APLP2: variants seen among roughly 807,000 people sequenced by gnomAD.
APLP2 encodes CDEI box-binding protein.
In APLP2, 53 loss-of-function variants were observed where a neutral mutation model predicts 89.9. That is an observed-to-expected ratio of 0.59 (90% CI 0.47 to 0.74). The LOEUF is 0.74. Among genes scored for constraint, APLP2 ranks in the 30% least tolerant of loss-of-function variants. The probability of loss-of-function intolerance (pLI) is 0.00; values close to 1 mark genes in which losing one functional copy is unlikely to be tolerated. For missense variants in APLP2, 973 were observed against 975.9 expected (o/e 1.00, Z 0.04); for synonymous variants, 372 against 348.6 (o/e 1.07, Z -0.75).
At chr11:130,136,208 G>A (rs1951577820) in intron 13 of APLP2, among the ~76,000 whole-genome samples, 1 of 152,152 alleles carries the variant, frequency 6.6e-6, no homozygotes, top group South Asian at 2.1e-4. Context: ...CAGTGTCTAA[G>A]AGGATCTCTA....
chr11:130,142,695 CCT>C (rs777112835), intron 16 of APLP2, among the ~76,000 whole-genome samples: 7 of 152,116 alleles, frequency 4.6e-5, no homozygotes, highest in Non-Finnish European at 7.3e-5. Context: ...CGCACTGCAA[CCT>C]CTGTCTCCCG....
rs551152741 is a variant in APLP2 at position 130,122,392 on chromosome 11, G to A, written c.801G>A (p.Val267=). 6.2e-7 allele frequency: 1 copy of A among 1,614,168 alleles called. No homozygotes were observed. The highest frequency in any genetic ancestry group is 1.3e-5 in the African/African-American group (1 of 75,030). Reference sequence around the variant, plus strand: ...AGGATGAGGAAGAAGGGGAGGAAGTGGTGGAGGACCGAGATTACTACTATG... The same window carrying A: ...AGGATGAGGAAGAAGGGGAGGAAGTAGTGGAGGACCGAGATTACTACTATG... ...DDEDEEEGEE[V]VEDRDYYYDT... The change falls in exon 6 of 17, where the codon GTG becomes GTA. Residue 267 remains valine, a synonymous_variant. Transcript: ENST00000338167.
chr11:130,085,385 G>C (rs534037550), intron 1 of APLP2, among the ~76,000 whole-genome samples: 1 of 152,240 alleles, frequency 6.6e-6, no homozygotes, highest in African/African-American at 2.4e-5. Context: ...CTGGGAGGCA[G>C]AGGTTGCAGT....
At chr11:130,128,491 G>A (rs1488564324) in intron 9 of APLP2, among the ~76,000 whole-genome samples, 3 of 152,180 alleles carry the variant, frequency 2.0e-5, no homozygotes, top group East Asian at 1.9e-4. Context: ...ACAGAAGTCA[G>A]TGCATCTTGT....
At chr11:130,100,731 A>C (rs1464543946) in intron 1 of APLP2, among the ~76,000 whole-genome samples, 1 of 152,242 alleles carries the variant, frequency 6.6e-6, no homozygotes, top group African/African-American at 2.4e-5. Flanking sequence ...GTCTGTGAAA[A>C]TAATACCTAA....
chr11:130,096,378 ACT>A (rs1284355199), intron 1 of APLP2, among the ~76,000 whole-genome samples: 1 of 152,080 alleles, frequency 6.6e-6, no homozygotes, highest in Non-Finnish European at 1.5e-5. Flanking sequence ...CTGGGTAGAG[ACT>A]GGATCCTGGA....
chr11:130,086,980 G>GA (rs1475486402), intron 1 of APLP2, among the ~76,000 whole-genome samples: 2 of 152,096 alleles, frequency 1.3e-5, no homozygotes, highest in Non-Finnish European at 2.9e-5. Context: ...CTGTTTCTGT[G>GA]AAAAAACAAA....
chr11:130,109,394 T>A (rs1452606167), intron 1 of APLP2, 35 bp from the exon 2 acceptor site: 1 of 1,589,142 alleles, frequency 6.3e-7, no homozygotes, highest in Non-Finnish European at 8.6e-7. Context: ...GCTAGCCTTC[T>A]TGGAGTAAAC....
chr11:130,113,982 T>G (rs1028354474), intron 3 of APLP2, among the ~76,000 whole-genome samples: 1 of 152,194 alleles, frequency 6.6e-6, no homozygotes, highest in East Asian at 1.9e-4. Context: ...TTTGAATCAT[T>G]TGGCAATAAG....
chr11:130,143,367 A>G lies in APLP2; in HGVS notation c.2175A>G (p.Pro725=). 1 of 1,614,090 alleles carries G rather than the reference A, an allele frequency of 6.2e-7. No homozygotes were observed. The highest frequency in any genetic ancestry group is 8.5e-7 in the Non-Finnish European group (1 of 1,180,004). ...TCCAGGTTGATCCAATGCTCACCCCAGAAGAGCGTCACCTGAACAAGATGC... is the reference window on the plus strand; with the variant it reads ...TCCAGGTTGATCCAATGCTCACCCCGGAAGAGCGTCACCTGAACAAGATGC... ...GIVEVDPMLT[P]EERHLNKMQN... The change falls in exon 17 of 17, where the codon CCA becomes CCG. Residue 725 remains proline (P), a synonymous_variant. Transcript: ENST00000338167.
chr11:130,075,192 A>G (rs74726541), intron 1 of APLP2, among the ~76,000 whole-genome samples: 17,577 of 152,054 alleles, frequency 0.12, 1,335 homozygotes, highest in East Asian at 0.25. Context: ...CACTCTTACC[A>G]AGGCTGGAGT....
chr11:130,123,768 G>T lies in APLP2; in HGVS notation c.1079G>T (p.Cys360Phe), dbSNP rs751481974. Residue 360 changes from cysteine to phenylalanine, a missense_variant, in exon 7 of 17, where the codon TGT (cysteine) becomes TTT (phenylalanine). By Grantham distance (205) the Cys-to-Phe change is radical (BLOSUM62 -2). Transcript: ENST00000338167. This position sits in a 1 kb window ranked among gnomAD's most constrained non-coding sequence, Gnocchi z 4.0. ...FESEDYCMAV[C>F]KAMIPPTPLP... Reference sequence around the variant, plus strand: ...TCTGAGGATTATTGTATGGCTGTGTGTAAAGCGATGAGTAAGTCCTGCCTC... The same window carrying T: ...TCTGAGGATTATTGTATGGCTGTGTTTAAAGCGATGAGTAAGTCCTGCCTC... 6.2e-7 allele frequency: 1 copy of T among 1,614,204 alleles called. No individual in the cohort carries two copies. The highest frequency in any genetic ancestry group is 1.1e-5 in the South Asian group (1 of 91,084).
chr11:130,123,160 G>A lies in APLP2; in HGVS notation c.923-452G>A. Among the ~76,000 whole-genome samples the A allele has an allele frequency of 6.6e-6, 1 of 152,174 alleles. No individual in the cohort carries two copies. On this transcript the variant is annotated intron_variant, in intron 6 of 16. Transcript: ENST00000338167. The surrounding 1 kb of genome is among the most constrained non-coding windows in gnomAD (Gnocchi z 4.0). ...TTACTTAACCAGTTGAGAAGTTTGT[G>A]ATTTGCCTTAGAGAACATAAAAGTG...
chr11:130,070,188 GCCGGGGGTCC>G, intron 1 of APLP2, 106 bp downstream of exon 1: 1 of 555,578 alleles, frequency 1.8e-6, no homozygotes, highest in Non-Finnish European at 2.5e-6. Flanking sequence ...GCGGTGCGGC[GCCGGGGGTCC>G]GGCTCTGCGG....
intron 1 of APLP2, among the ~76,000 whole-genome samples, chr11:130,108,266 G>C (rs1483299866): frequency 6.6e-6 from 1 of 152,218 alleles, no homozygotes. Context: ...ACTACCATCA[G>C]AGTGAACAGG....
At chr11:130,081,063 A>G (rs1943069221) in intron 1 of APLP2, among the ~76,000 whole-genome samples, 1 of 152,202 alleles carries the variant, frequency 6.6e-6, no homozygotes, top group African/African-American at 2.4e-5. Context: ...AGTTATTACA[A>G]AAAATTTAGA....
intron 1 of APLP2, chr11:130,070,891 T>C: frequency 1.8e-6 from 1 of 560,004 alleles, no homozygotes; most frequent in Non-Finnish European, 2.3e-6. Context: ...GCATCCCCGC[T>C]GCGAGAAAGG....
At position 130,143,529 on chromosome 11, in the gene APLP2, C is replaced by T. The variant is rs1426883868; in HGVS notation, c.*81C>T. On this transcript the variant is annotated 3_prime_UTR_variant, in exon 17 of 17. Transcript: ENST00000338167. ...ACGATTCCGATCGACTGCCAAGCAG[C>T]AGCCGCTGCCAGGGGCTGCGTCTGA... is the stretch of plus-strand genomic sequence containing the variant. 2.5e-6 allele frequency: 3 copies of T among 1,199,282 alleles called. No homozygotes were observed. Among genetic ancestry groups the T allele is most frequent in the African/African-American group, 1.5e-5 (1 of 66,740 alleles). 74.3% of individuals were successfully genotyped at this position (1,199,282 alleles called of 1,614,324 possible).
chr11:130,105,701 C>CTTTTTTTTT (rs765278847), intron 1 of APLP2, among the ~76,000 whole-genome samples: 1 of 118,190 alleles, frequency 8.5e-6, no homozygotes, highest in African/African-American at 3.5e-5. Flanking sequence ...TTTCTGTCTG[C>CTTTTTTTTT]TTTTTTTTTT....
Sources: allele counts gnomAD v4.1 joint callset (sites outside exome capture counted in the v4.1 genomes callset), GRCh38; gene constraint gnomAD v4.1.1; non-coding constraint Gnocchi (gnomAD v3.1); transcripts MANE v1.5; gene names NCBI Gene and HGNC (gene_info 2026-07-23, HGNC 2026-07-21).